Variants in AGBL4 observed in about 807,000 individuals in gnomAD.
AGBL4 encodes the protein AGBL carboxypeptidase 4, also known as cytosolic carboxypeptidase 6.
In AGBL4, 58 loss-of-function variants were observed where a neutral mutation model predicts 66.4. The ratio of observed to expected loss-of-function variants is 0.87; its 90% CI spans 0.71 to 1.09. AGBL4 has a LOEUF of 1.09. AGBL4 is among the 50% of genes least tolerant of loss of function. The pLI, the probability that AGBL4 is intolerant of heterozygous loss-of-function variation, is 0.00. For missense variants in AGBL4, 579 were observed against 631.0 expected, an observed-to-expected ratio of 0.92 and a Z score of 0.88; for synonymous variants, 234 against 222.9, an observed-to-expected ratio of 1.05 and a Z score of -0.44.
At chr1:49,172,398 C>T (rs375168580) in intron 4 of AGBL4, among the ~76,000 whole-genome samples, 1 of 151,950 alleles carries the variant, frequency 6.6e-6, no homozygotes, top group Non-Finnish European at 1.5e-5. Context: ...AAGTGGGAGG[C>T]GTAGGAGGGA....
intron 2 of AGBL4, among the ~76,000 whole-genome samples, chr1:49,778,882 C>G (rs1481615193): frequency 6.6e-6 from 1 of 152,148 alleles, no homozygotes; most frequent in Non-Finnish European, 1.5e-5. Flanking sequence ...TATGGTTATA[C>G]TATAAGCCCA....
At chr1:49,076,536 G>A (rs949596368) in intron 4 of AGBL4, among the ~76,000 whole-genome samples, 2 of 152,246 alleles carry the variant, frequency 1.3e-5, no homozygotes, top group African/African-American at 4.8e-5. Context: ...CTGTGACTGT[G>A]TTTTAATAAA....
At chr1:49,276,584 A>C (rs1354406597) in intron 3 of AGBL4, among the ~76,000 whole-genome samples, 1 of 152,168 alleles carries the variant, frequency 6.6e-6, no homozygotes, top group Non-Finnish European at 1.5e-5. Context: ...AGAAACATTA[A>C]CTGAGAGTCT....
chr1:49,118,000 C>A (rs1363575605), intron 4 of AGBL4, among the ~76,000 whole-genome samples: 1 of 152,104 alleles, frequency 6.6e-6, no homozygotes, highest in Non-Finnish European at 1.5e-5. Flanking sequence ...TGGGAATTCT[C>A]TCATGATTTG....
chr1:48,659,668 C>A (rs1004546261), intron 7 of AGBL4, among the ~76,000 whole-genome samples: 6 of 152,192 alleles, frequency 3.9e-5, no homozygotes, highest in African/African-American at 1.2e-4. Flanking sequence ...CAGCTAGTGA[C>A]CCTCTCAGGA....
At chr1:49,389,389 C>T (rs1411751594) in intron 3 of AGBL4, among the ~76,000 whole-genome samples, 2 of 152,122 alleles carry the variant, frequency 1.3e-5, no homozygotes, top group African/African-American at 2.4e-5. Context: ...TGGTTAATTA[C>T]TTCATTTCAA....
intron 8 of AGBL4, among the ~76,000 whole-genome samples, chr1:48,646,048 G>A (rs998267263): frequency 3.3e-5 from 5 of 152,130 alleles, no homozygotes; most frequent in African/African-American, 1.2e-4. Context: ...TTCAGAGGGC[G>A]AGGCAGAAGT....
chr1:49,276,288 T>A (rs2148395845), intron 3 of AGBL4, among the ~76,000 whole-genome samples: 1 of 152,284 alleles, frequency 6.6e-6, no homozygotes, highest in Non-Finnish European at 1.5e-5. Flanking sequence ...TATTCCAGTT[T>A]GTTTTCTCCC....
At chr1:48,761,604 A>C in intron 6 of AGBL4, 5 of 920,058 alleles carry the variant, frequency 5.4e-6, no homozygotes, top group Non-Finnish European at 8.0e-6. Context: ...AAACAGACTC[A>C]AGGCTGGTTC....
chr1:49,068,683 A>G (rs1644539221), intron 4 of AGBL4, among the ~76,000 whole-genome samples: 1 of 152,218 alleles, frequency 6.6e-6, no homozygotes, highest in South Asian at 2.1e-4. Flanking sequence ...CAGTGCTGCA[A>G]TAAACATATG....
At chr1:49,039,448 T>A (rs1664931993) in intron 5 of AGBL4, among the ~76,000 whole-genome samples, 1 of 152,028 alleles carries the variant, frequency 6.6e-6, no homozygotes, top group Non-Finnish European at 1.5e-5. Flanking sequence ...GAAGGAAGTA[T>A]ATTGAGAAAT....
intron 6 of AGBL4, among the ~76,000 whole-genome samples, chr1:48,720,175 G>A (rs1647122170): frequency 6.6e-6 from 1 of 152,166 alleles, no homozygotes; most frequent in Non-Finnish European, 1.5e-5. Context: ...AACACAGGGT[G>A]GTCCCTACCT....
intron 4 of AGBL4, among the ~76,000 whole-genome samples, chr1:49,127,651 G>T (rs1294789188): frequency 6.6e-6 from 1 of 152,060 alleles, no homozygotes; most frequent in Admixed American, 6.6e-5. Context: ...AACTCCTAGA[G>T]ATAACAGAGA....
At chr1:49,257,109 CAA>C (rs199515108) in intron 3 of AGBL4, among the ~76,000 whole-genome samples, 3 of 140,198 alleles carry the variant, frequency 2.1e-5, no homozygotes, top group Non-Finnish European at 4.7e-5. Flanking sequence ...GAGTATTTTA[CAA>C]AAAAAAATAC....
chr1:48,919,055 C>A (rs1653861690), intron 5 of AGBL4, among the ~76,000 whole-genome samples: 1 of 152,150 alleles, frequency 6.6e-6, no homozygotes, highest in Non-Finnish European at 1.5e-5. Flanking sequence ...GGACTCACTC[C>A]AAGTCTGGAG....
In AGBL4 at chr1:49,006,129, T is replaced by A. The variant is rs978286430; in HGVS notation, c.594+39455A>T. The stretch of plus-strand genomic sequence containing the variant: ...ATCTGAGGTACCGGGTTCATCTCAC[T>A]AGGGAGTGCCAGACAGTGGGCGCAG... On this transcript the variant is annotated intron_variant, in intron 5 of 13. Transcript: ENST00000371839. 8.0e-4 allele frequency among the ~76,000 whole-genome samples: 122 copies of A among 152,032 alleles called. 1 individual carries two copies. The highest frequency in any genetic ancestry group is 2.9e-3 in the African/African-American group (118 of 41,402).
At chr1:49,543,829 T>C (rs1652263107) in intron 3 of AGBL4, among the ~76,000 whole-genome samples, 1 of 152,152 alleles carries the variant, frequency 6.6e-6, no homozygotes, top group South Asian at 2.1e-4. Context: ...TGAAAAAGTA[T>C]CCCCTCGTAA....
Position 49,623,211 on chromosome 1 carries a change from C to T in AGBL4, c.282+74102G>A, listed in dbSNP as rs1270677664. On this transcript the variant is annotated intron_variant, in intron 3 of 13. Coordinates refer to ENST00000371839, the MANE Select transcript of AGBL4 (RefSeq NM_032785.4). Reference sequence around the variant, plus strand: ...ATCGCTCCACAAAGGTTTGGAATTGCCCGAAGTGAGAAAACATACAAATTA... The same window carrying T: ...ATCGCTCCACAAAGGTTTGGAATTGTCCGAAGTGAGAAAACATACAAATTA... 2.6e-5 allele frequency among the ~76,000 whole-genome samples: 4 copies of T among 152,276 alleles called. No homozygotes were observed. The East Asian group carries it at 7.7e-4, about 29-fold the overall frequency.
intron 3 of AGBL4, among the ~76,000 whole-genome samples, chr1:49,437,669 C>G (rs1196591476): frequency 1.3e-5 from 2 of 152,122 alleles, no homozygotes; most frequent in South Asian, 4.1e-4. Context: ...AATCCCAAAT[C>G]TATGTGTGAA....
Sources: allele counts gnomAD v4.1 joint callset (sites outside exome capture counted in the v4.1 genomes callset), GRCh38; gene constraint gnomAD v4.1.1; transcripts MANE v1.5; gene names NCBI Gene and HGNC (gene_info 2026-07-23, HGNC 2026-07-21).